The following KDM4B variants were observed in gnomAD, a reference collection of about 807,000 sequenced individuals.
The protein encoded by KDM4B is lysine-specific demethylase 4B.
Under a neutral mutation model 125.2 loss-of-function variants are expected in KDM4B, and 32 were observed. The ratio of observed to expected loss-of-function variants is 0.26; its 90% CI spans 0.19 to 0.34. The LOEUF is 0.34. KDM4B is among the 10% of genes least tolerant of loss of function. The pLI, the probability that KDM4B is intolerant of heterozygous loss-of-function variation, is 1.00. For synonymous variants in KDM4B, 721 were observed against 677.9 expected, an observed-to-expected ratio of 1.06 and a Z score of -0.99; for missense variants, 1,190 against 1,577.7, an observed-to-expected ratio of 0.75 and a Z score of 4.16.
At chr19:5,110,955 C>G in intron 10 of KDM4B, 137 bp downstream of exon 10, 1 of 676,228 alleles carries the variant, frequency 1.5e-6, no homozygotes, top group Non-Finnish European at 2.4e-6. Context: ...CCCACCCCGC[C>G]TCCTCTTTCG....
At chr19:5,071,329 A>G (rs564575481) in intron 7 of KDM4B, among the ~76,000 whole-genome samples, 3 of 152,256 alleles carry the variant, frequency 2.0e-5, no homozygotes, top group Non-Finnish European at 4.4e-5. Flanking sequence ...TCTTAGCGCA[A>G]ACTTCTTGGG....
chr19:4,985,196 C>T (rs1481470082), intron 1 of KDM4B, among the ~76,000 whole-genome samples: 7 of 152,038 alleles, frequency 4.6e-5, no homozygotes, highest in African/African-American at 7.2e-5. Context: ...TGGTGGTGCA[C>T]GCCCGCAGTC....
chr19:5,020,933 G>C (rs1475064348), intron 2 of KDM4B, among the ~76,000 whole-genome samples: 1 of 151,812 alleles, frequency 6.6e-6, no homozygotes, highest in Admixed American at 6.6e-5. Flanking sequence ...GATCACCTGA[G>C]GTCAGGAGTT....
intron 9 of KDM4B, among the ~76,000 whole-genome samples, chr19:5,104,226 T>C (rs1364854031): frequency 6.6e-6 from 1 of 152,190 alleles, no homozygotes; most frequent in Non-Finnish European, 1.5e-5. Flanking sequence ...GCACAGCTCC[T>C]GGGCACCTGC....
At chr19:5,059,283 C>G (rs1233994376) in intron 6 of KDM4B, among the ~76,000 whole-genome samples, 2 of 152,246 alleles carry the variant, frequency 1.3e-5, no homozygotes, top group African/African-American at 4.8e-5. Context: ...TCCTCCCCTC[C>G]ACACTCGCCA....
rs995286092 is a variant in KDM4B at position 5,119,777 on chromosome 19, C to T, written c.1240C>T (p.Pro414Ser). ...AGGSVKEEAG[P>S]EVDPEEEEEE... ...GGGCAGCGTGAAGGAGGAGGCTGGG[C>T]CGGAGGTTGACCCCGAGGAGGAGGA... Residue 414 changes from proline to serine, a missense_variant, in exon 11 of 23, where the codon CCG becomes TCG. Pro to Ser is a moderately conservative substitution (Grantham distance 74). Coordinates refer to ENST00000159111, the MANE Select transcript of KDM4B (RefSeq NM_015015.3). The T allele has an allele frequency of 1.9e-6, 3 of 1,545,062 alleles. No homozygotes were observed. Among genetic ancestry groups the T allele is most frequent in the African/African-American group, 2.7e-5 (2 of 73,078 alleles).
In KDM4B at chr19:5,131,106, A is replaced by G. The variant is rs372027759; in HGVS notation, c.1346A>G (p.Lys449Arg). Residue 449 changes from lysine to arginine, a missense_variant, in exon 12 of 23, where the codon AAG becomes AGG. Physicochemically the swap from Lys to Arg is conservative, Grantham distance 26 (BLOSUM62 2). Coordinates refer to ENST00000159111, the MANE Select transcript of KDM4B (RefSeq NM_015015.3). ...EDGRGKLRPT[K>R]AKSERKKKSF... ...GGGAGGGGCAAGCTGCGGCCAACCAAGGCCAAGAGCGAGCGGAAGAAGAAG... is the reference window on the plus strand; with the variant it reads ...GGGAGGGGCAAGCTGCGGCCAACCAGGGCCAAGAGCGAGCGGAAGAAGAAG... 1.2e-5 allele frequency: 18 copies of G among 1,515,748 alleles called. No homozygotes were observed. The highest frequency in any genetic ancestry group is 1.5e-5 in the Non-Finnish European group (17 of 1,131,698). 93.9% of individuals were successfully genotyped at this position (1,515,748 alleles called of 1,614,324 possible).
intron 18 of KDM4B, among the ~76,000 whole-genome samples, chr19:5,143,278 G>A (rs963930672): frequency 2.0e-5 from 3 of 151,278 alleles, no homozygotes; most frequent in East Asian, 2.0e-4. Context: ...AGCTATGATC[G>A]CGCCGTGTGC....
Position 5,114,373 on chromosome 19 carries a change from T to G in KDM4B, c.1115+3555T>G. 1 of 605,974 alleles carries G rather than the reference T, an allele frequency of 1.7e-6. No homozygotes were observed. The highest frequency in any genetic ancestry group is 2.7e-6 in the Non-Finnish European group (1 of 364,430). The allele number at this position is 605,974 out of a possible 1,614,324, so 37.5% of individuals were successfully genotyped here. A position where few individuals can be genotyped will look rare whatever the true frequency, so the allele number is the denominator to read the frequency against. The stretch of plus-strand genomic sequence containing the variant: ...TCCCCTCCTGCTCTGCCTTGGCCTG[T>G]CGCCCCTGCGCCAGTGCAGGACACC... On this transcript the variant is annotated intron_variant, in intron 10 of 22. Transcript: ENST00000159111. The surrounding 1 kb of genome is among the most constrained non-coding windows in gnomAD (Gnocchi z 5.8).
Position 5,106,040 on chromosome 19 carries a change from T to A in KDM4B, c.919-4582T>A, listed in dbSNP as rs561088344. 8.1e-4 allele frequency among the ~76,000 whole-genome samples: 123 copies of A among 152,376 alleles called. 2 individuals carry two copies. The South Asian group carries it at 0.025, about 31-fold the overall frequency. On this transcript the variant is annotated intron_variant, in intron 9 of 22. Coordinates refer to ENST00000159111, the MANE Select transcript of KDM4B (RefSeq NM_015015.3). The stretch of plus-strand genomic sequence containing the variant: ...ACCACAGTTATTGTTTTGATACATT[T>A]CCCTGTCTTGAGAGAGCTCTGCCCA...
chr19:4,976,017 A>G (rs929326513), intron 1 of KDM4B, among the ~76,000 whole-genome samples: 2 of 151,620 alleles, frequency 1.3e-5, no homozygotes, highest in African/African-American at 2.4e-5. Context: ...TGAGAGGCCG[A>G]GGCGGGTGGA....
intron 3 of KDM4B, among the ~76,000 whole-genome samples, chr19:5,038,839 C>G (rs893903486): frequency 6.6e-6 from 1 of 152,266 alleles, no homozygotes; most frequent in African/African-American, 2.4e-5. Context: ...CCTCACGGCC[C>G]CTGTCCCATG....
At chr19:5,099,321 C>T (rs1044876174) in intron 9 of KDM4B, among the ~76,000 whole-genome samples, 5 of 152,142 alleles carry the variant, frequency 3.3e-5, no homozygotes, top group Admixed American at 1.3e-4. Context: ...TCTTGGGTGG[C>T]GGTAGTGAGA....
chr19:5,037,398 T>C (rs987291490), intron 3 of KDM4B, among the ~76,000 whole-genome samples: 18 of 152,166 alleles, frequency 1.2e-4, no homozygotes, highest in Non-Finnish European at 1.9e-4. Context: ...CACTCCTCAA[T>C]GTCTTCGTGT....
intron 10 of KDM4B, chr19:5,111,350 C>T: frequency 1.3e-6 from 1 of 758,324 alleles, no homozygotes. Context: ...CGGGGCGTGA[C>T]CCTGGATGCC....
At position 5,102,997 on chromosome 19, in the gene KDM4B, C is replaced by T. The variant is rs556713612; in HGVS notation, c.919-7625C>T. On this transcript the variant is annotated intron_variant, in intron 9 of 22. Coordinates refer to ENST00000159111, the MANE Select transcript of KDM4B (RefSeq NM_015015.3). ...GAGCCATAGTCGCCTCTCCTGGCAA[C>T]GGCCCTGCCCACCACGTACCCACCT... 3.7e-4 allele frequency among the ~76,000 whole-genome samples: 56 copies of T among 152,370 alleles called. No homozygotes were observed. In the South Asian group the frequency reaches 9.3e-3, roughly 25 times the overall value.
intron 6 of KDM4B, among the ~76,000 whole-genome samples, chr19:5,054,098 T>C (rs969930436): frequency 1.3e-5 from 2 of 152,224 alleles, no homozygotes; most frequent in Admixed American, 6.5e-5. Context: ...TTATTTATTT[T>C]ATTTTAGATG....
intron 9 of KDM4B, among the ~76,000 whole-genome samples, chr19:5,090,029 AAC>A (rs2038638429): frequency 6.6e-6 from 1 of 151,970 alleles, no homozygotes; most frequent in South Asian, 2.1e-4. Flanking sequence ...ACAAGACAAA[AAC>A]ACAAAAACTG....
chr19:5,089,155 G>A (rs1421986013), intron 9 of KDM4B, among the ~76,000 whole-genome samples: 2 of 152,138 alleles, frequency 1.3e-5, no homozygotes, highest in Non-Finnish European at 1.5e-5. Context: ...CTCCTGCGTC[G>A]CACACCTGGT....
Sources: gnomAD v4.1 joint callset for allele counts (sites outside exome capture counted in the v4.1 genomes callset) on GRCh38, gnomAD v4.1.1 for gene constraint, Gnocchi (gnomAD v3.1) non-coding constraint, MANE v1.5 for transcripts, NCBI Gene and HGNC (gene_info 2026-07-23, HGNC 2026-07-21) for gene names.